Variants in ARHGAP25 observed in about 807,000 individuals in gnomAD.
ARHGAP25 encodes Rho GTPase activating protein 25.
ARHGAP25 carries 34 observed loss-of-function variants against 71.0 expected under a neutral mutation model. The ratio of observed to expected loss-of-function variants is 0.48; its 90% CI spans 0.36 to 0.64. The LOEUF (loss-of-function observed/expected upper bound fraction) is 0.64, where lower values mean the gene tolerates loss of function less well. ARHGAP25 is among the 30% of genes least tolerant of loss of function. The pLI is 0.00. For synonymous variants in ARHGAP25, 282 were observed against 296.5 expected, an observed-to-expected ratio of 0.95 and a Z score of 0.50; for missense variants, 706 against 805.1, an observed-to-expected ratio of 0.88 and a Z score of 1.49.
chr2:68,755,429 A>G (rs1353990857), intron 1 of ARHGAP25, among the ~76,000 whole-genome samples: 2 of 152,350 alleles, frequency 1.3e-5, no homozygotes, highest in East Asian at 1.9e-4. Context: ...CAAAATAAAA[A>G]AATATATATC....
chr2:68,807,547 C>G (rs1014578969), intron 5 of ARHGAP25, 67 bp downstream of exon 5: 1 of 1,492,576 alleles, frequency 6.7e-7, no homozygotes, highest in African/African-American at 1.4e-5. Flanking sequence ...GGGAGGGCCT[C>G]TCCATTCCAG....
chr2:68,809,661 G>A (rs1295812196), intron 5 of ARHGAP25, among the ~76,000 whole-genome samples: 1 of 152,096 alleles, frequency 6.6e-6, no homozygotes, highest in African/African-American at 2.4e-5. Flanking sequence ...TCCTATAAAA[G>A]GAATTCTAGG....
Position 68,822,611 on chromosome 2 carries a change from T to C in ARHGAP25, c.1472T>C (p.Leu491Ser), listed in dbSNP as rs753553297. The C allele has an allele frequency of 6.2e-7, 1 of 1,614,136 alleles. No individual in the cohort carries two copies. Among genetic ancestry groups the C allele is most frequent in the Non-Finnish European group, 8.5e-7 (1 of 1,180,038 alleles). The change falls in exon 10 of 11, where the codon TTG (leucine) becomes TCG (serine). Residue 491 changes from leucine to serine, a missense_variant. Transcript: ENST00000409202. ...CACAGGAGAACGATGTCTCAAGACTTGCGCCAACTTTCTGACTCCCAACGG... is the reference window on the plus strand; with the variant it reads ...CACAGGAGAACGATGTCTCAAGACTCGCGCCAACTTTCTGACTCCCAACGG... ...EGHRRTMSQD[L>S]RQLSDSQRTS...
Position 68,775,202 on chromosome 2 carries a change from T to A in ARHGAP25, c.62-19T>A. 1.2e-6 allele frequency: 2 copies of A among 1,614,280 alleles called. No homozygotes were observed. The highest frequency in any genetic ancestry group is 1.1e-5 in the South Asian group (1 of 91,088). On this transcript the variant is annotated intron_variant, in intron 1 of 10. Transcript: ENST00000409202. ...CCCCATGTCCCTCGGTCAGTCGGCC[T>A]GTCTGTTCCTCTCTATAGCTCGGTC...
At chr2:68,796,681 G>T (rs146800944) in intron 4 of ARHGAP25, among the ~76,000 whole-genome samples, 5 of 152,174 alleles carry the variant, frequency 3.3e-5, no homozygotes, top group African/African-American at 4.8e-5. Context: ...TCAGGTTTCA[G>T]TGGTAGCAGT....
intron 4 of ARHGAP25, among the ~76,000 whole-genome samples, chr2:68,790,593 C>A (rs992702887): frequency 6.6e-6 from 1 of 152,178 alleles, no homozygotes; most frequent in Admixed American, 6.5e-5. Context: ...TGGCTGCCAC[C>A]TCTTTCTAGC....
rs368863270 is a variant in ARHGAP25 at position 68,826,084 on chromosome 2, C to T, written c.1831C>T (p.Leu611Phe). The T allele has an allele frequency of 3.1e-6, 5 of 1,613,976 alleles. No individual in the cohort carries two copies. In the Admixed American group the frequency reaches 8.3e-5, roughly 27 times the overall value. The change falls in exon 11 of 11, where the codon CTC becomes TTC. Residue 611 changes from leucine to phenylalanine, a missense_variant. Physicochemically the swap from Leu to Phe is conservative, Grantham distance 22. Transcript: ENST00000409202. ...KKKSAALEIS[L>F]RNMERSREDV... ...GAAGTCTGCAGCCCTAGAGATCAGCCTCCGCAACATGGAGCGCTCCCGGGA... is the reference window on the plus strand; with the variant it reads ...GAAGTCTGCAGCCCTAGAGATCAGCTTCCGCAACATGGAGCGCTCCCGGGA...
intron 4 of ARHGAP25, among the ~76,000 whole-genome samples, chr2:68,794,483 T>C (rs759302309): frequency 8.5e-5 from 13 of 152,210 alleles, no homozygotes; most frequent in Non-Finnish European, 1.8e-4. Flanking sequence ...TATGAACAGA[T>C]GCTGAATTTT....
intron 1 of ARHGAP25, among the ~76,000 whole-genome samples, chr2:68,739,047 G>A (rs565469409): frequency 6.6e-6 from 1 of 152,310 alleles, no homozygotes; most frequent in Non-Finnish European, 1.5e-5. Context: ...CAGGCCAACA[G>A]CCTTCTGGCC....
intron 8 of ARHGAP25, 54 bp downstream of exon 8, chr2:68,818,048 T>A: frequency 6.2e-7 from 1 of 1,600,278 alleles, no homozygotes. Context: ...AATTACAACA[T>A]TCCCCCTGAT....
rs561976079 is a variant in ARHGAP25, at chr2:68,819,447, C to G, written c.1200+128C>G. On this transcript the variant is annotated intron_variant, in intron 9 of 10. Coordinates refer to ENST00000409202, the MANE Select transcript of ARHGAP25 (RefSeq NM_001007231.3). The stretch of plus-strand genomic sequence containing the variant: ...GATGCAGTGGCAGTGGGCGCTGCTG[C>G]TACAGACTCATCTGAACACACCTTG... 1.3e-5 allele frequency: 12 copies of G among 920,742 alleles called. No individual in the cohort carries two copies. The Admixed American group carries it at 1.4e-4, about 10-fold the overall frequency. 57.0% of individuals were successfully genotyped at this position (920,742 alleles called of 1,614,324 possible).
rs1573526952 is a variant in ARHGAP25, at chr2:68,784,308, G to T, written c.349+1988G>T. On this transcript the variant is annotated intron_variant, in intron 3 of 10. Coordinates refer to ENST00000409202, the MANE Select transcript of ARHGAP25 (RefSeq NM_001007231.3). Reference sequence around the variant, plus strand: ...TTCCAAGGTTCCACCCAACCCTAAAGTGAGATATCCTTCATGTTATAACAT... The same window carrying T: ...TTCCAAGGTTCCACCCAACCCTAAATTGAGATATCCTTCATGTTATAACAT... Among the ~76,000 whole-genome samples the T allele has an allele frequency of 4.6e-5, 7 of 152,176 alleles. No homozygotes were observed. In the South Asian group the frequency reaches 1.5e-3, roughly 32 times the overall value.
At chr2:68,786,111 C>T (rs1476784579) in intron 3 of ARHGAP25, among the ~76,000 whole-genome samples, 1 of 152,172 alleles carries the variant, frequency 6.6e-6, no homozygotes, top group African/African-American at 2.4e-5. Context: ...GTCATCAGGT[C>T]ATCAGCTCTC....
At chr2:68,799,125 GTT>G (rs1473226633) in intron 4 of ARHGAP25, among the ~76,000 whole-genome samples, 2 of 152,122 alleles carry the variant, frequency 1.3e-5, no homozygotes, top group African/African-American at 4.8e-5. Context: ...AAGCAAACAG[GTT>G]TGCACAATGT....
intron 2 of ARHGAP25, among the ~76,000 whole-genome samples, chr2:68,716,754 C>T (rs936916416): frequency 2.6e-5 from 4 of 152,208 alleles, no homozygotes; most frequent in African/African-American, 9.7e-5. Context: ...TTAGGGTCAT[C>T]TCAGATAGGC....
chr2:68,818,968 A>G (rs1645888612), intron 8 of ARHGAP25, among the ~76,000 whole-genome samples, 155 bp from the exon 9 acceptor site: 1 of 152,128 alleles, frequency 6.6e-6, no homozygotes, highest in Admixed American at 6.5e-5. Context: ...TCCAACTCCA[A>G]GCAATTAAAA....
At chr2:68,802,519 T>C (rs1218377362) in intron 4 of ARHGAP25, among the ~76,000 whole-genome samples, 1 of 151,846 alleles carries the variant, frequency 6.6e-6, no homozygotes, top group African/African-American at 2.4e-5. Context: ...TAAGTGCAGG[T>C]ACCTTGTATT....
At chr2:68,732,505 T>C (rs1199409451), upstream of ARHGAP25, among the ~76,000 whole-genome samples, 1 of 152,212 alleles carries the variant, frequency 6.6e-6, no homozygotes, top group Non-Finnish European at 1.5e-5. Flanking sequence ...CAGTGGTGTT[T>C]GGGTCAGGCA....
chr2:68,805,274 G>A (rs1325311110), intron 4 of ARHGAP25, among the ~76,000 whole-genome samples: 1 of 152,100 alleles, frequency 6.6e-6, no homozygotes, highest in African/African-American at 2.4e-5. Flanking sequence ...GCAGGTGGGT[G>A]CCAAGCCTTG....
Sources: gnomAD v4.1 joint callset for allele counts (sites outside exome capture counted in the v4.1 genomes callset) on GRCh38, gnomAD v4.1.1 for gene constraint, MANE v1.5 for transcripts, NCBI Gene and HGNC (gene_info 2026-07-23, HGNC 2026-07-21) for gene names.